Variants in VAMP5 observed in about 807,000 individuals in gnomAD.
VAMP5 encodes the protein vesicle-associated membrane protein 5.
A neutral mutation model predicts 8.1 loss-of-function variants in VAMP5; 10 were observed. That is an observed-to-expected ratio of 1.23 (90% confidence interval 0.76 to 2.09). The LOEUF is 2.09. Among genes scored for constraint, VAMP5 ranks in the 30% most tolerant of loss-of-function variants. The pLI is 0.00. For missense variants in VAMP5, 135 were observed against 152.5 expected, an observed-to-expected ratio of 0.89 and a Z score of 0.60; for synonymous variants, 62 against 60.6, an observed-to-expected ratio of 1.02 and a Z score of -0.11.
chr2:85,589,347 G>A (rs914249707), intron 1 of VAMP5, among the ~76,000 whole-genome samples: 2 of 152,138 alleles, frequency 1.3e-5, no homozygotes, highest in African/African-American at 4.8e-5. Flanking sequence ...CCCGAGACTT[G>A]AGTCTAAGGC....
rs528814089 is a variant in VAMP5 at position 85,586,729 on chromosome 2, T to C, written c.3+2236T>C. On this transcript the variant is annotated intron_variant, in intron 1 of 2. Transcript: ENST00000306384. ...TGTGCCCATTGGATGGTGGCTGTTA[T>C]TCTTGCTCAAGATGTAAAACCTCAA... Among the ~76,000 whole-genome samples, 6 of 152,104 alleles carry C rather than the reference T, an allele frequency of 3.9e-5. No homozygotes were observed. In the South Asian group the frequency reaches 1.2e-3, roughly 32 times the overall value.
Position 85,593,276 on chromosome 2 carries a change from A to C in VAMP5, c.*119A>C. On this transcript the variant is annotated 3_prime_UTR_variant, in exon 3 of 3. Transcript: ENST00000306384. ...GTGAGTGCCAAAGGGCAGCCCCAACATGTGCACCCCTGCATTTCCTGTCAT... is the reference window on the plus strand; with the variant it reads ...GTGAGTGCCAAAGGGCAGCCCCAACCTGTGCACCCCTGCATTTCCTGTCAT... 1 of 1,054,376 alleles carries C rather than the reference A, an allele frequency of 9.5e-7. No individual in the cohort carries two copies. The highest frequency in any genetic ancestry group is 2.0e-5 in the Admixed American group (1 of 49,490). The allele number at this position is 1,054,376 out of a possible 1,614,324, so 65.3% of individuals were successfully genotyped here. A position where few individuals can be genotyped will look rare whatever the true frequency, so the allele number is the denominator to read the frequency against.
At chr2:85,586,258 C>T (rs987813041) in intron 1 of VAMP5, among the ~76,000 whole-genome samples, 1 of 152,210 alleles carries the variant, frequency 6.6e-6, no homozygotes, top group Non-Finnish European at 1.5e-5. Flanking sequence ...GGTGATTTAA[C>T]ACCTCTGAGC....
intron 1 of VAMP5, among the ~76,000 whole-genome samples, chr2:85,587,261 A>T (rs1298286030): frequency 4.8e-5 from 7 of 145,510 alleles, no homozygotes; most frequent in African/African-American, 7.5e-5. Flanking sequence ...GTATTACACA[A>T]TTTTTTTTTT....
At chr2:85,587,581 T>TAAA (rs577522694) in intron 1 of VAMP5, among the ~76,000 whole-genome samples, 9 of 137,904 alleles carry the variant, frequency 6.5e-5, no homozygotes, top group African/African-American at 2.1e-4. Flanking sequence ...ATCTGACTGC[T>TAAA]AAAAAAAAAA....
At position 85,591,731 on chromosome 2, in the gene VAMP5, AT is replaced by A. The variant is rs762463997; in HGVS notation, c.11del (p.Ile4LysfsTer13). On this transcript the variant is annotated frameshift_variant, in exon 2 of 3. Coordinates refer to ENST00000306384, the MANE Select transcript of VAMP5 (RefSeq NM_006634.3). LOFTEE classifies it high-confidence loss of function. ...CCTCGGGCTTGGTGTCCAGGCAGGA[AT>A]AGAGTTGGAGCGGTGCCAGCAGCAG... The part of the protein sequence containing the change: MAG[I>X]ELERCQQQAN... 38 of 1,613,958 alleles carry A rather than the reference AT, an allele frequency of 2.4e-5. No homozygotes were observed. The highest frequency in any genetic ancestry group is 3.1e-5 in the Non-Finnish European group (36 of 1,179,982).
Position 85,584,482 on chromosome 2 carries a change from G to C in VAMP5, c.-9G>C. 8.0e-7 allele frequency: 1 copy of C among 1,243,198 alleles called. No homozygotes were observed. The highest frequency in any genetic ancestry group is 1.0e-6 in the Non-Finnish European group (1 of 994,922). 77.0% of individuals were successfully genotyped at this position (1,243,198 alleles called of 1,614,324 possible). A position where few individuals can be genotyped will look rare whatever the true frequency, so the allele number is the denominator to read the frequency against. On this transcript the variant is annotated 5_prime_UTR_variant, in exon 1 of 3. Transcript: ENST00000306384. ...GCCGGGAGCGGGCGAGGCGGCGGCG[G>C]CAGCAGCGATGGTGAGGGCCCAGGC...
chr2:85,587,451 A>G (rs1293863275), intron 1 of VAMP5, among the ~76,000 whole-genome samples: 1 of 151,664 alleles, frequency 6.6e-6, no homozygotes, highest in Non-Finnish European at 1.5e-5. Flanking sequence ...ACAGGGCTTC[A>G]CCATATTGGC....
intron 1 of VAMP5, among the ~76,000 whole-genome samples, chr2:85,585,806 T>G (rs1056829053): frequency 6.6e-6 from 1 of 152,176 alleles, no homozygotes; most frequent in Non-Finnish European, 1.5e-5. Context: ...TCTTGCCCCT[T>G]TAGCGCTTTC....
rs764637543 is a variant in VAMP5 at position 85,593,004 on chromosome 2, C to T, written c.198C>T (p.Asn66=). ...QNLAQKKCWE[N]IRYRICVGLV... is the part of the protein sequence containing the mutation. Reference sequence around the variant, plus strand: ...TGGCCCAGAAGAAGTGCTGGGAGAACATCCGTTACCGGATCTGCGTGGGGC... The same window carrying T: ...TGGCCCAGAAGAAGTGCTGGGAGAATATCCGTTACCGGATCTGCGTGGGGC... The change falls in exon 3 of 3, where the codon AAC becomes AAT. Residue 66 remains asparagine (N), a synonymous_variant. Coordinates refer to ENST00000306384, the MANE Select transcript of VAMP5 (RefSeq NM_006634.3). 44 of 1,614,038 alleles carry T rather than the reference C, an allele frequency of 2.7e-5. No homozygotes were observed. In the Admixed American group the frequency reaches 3.3e-4, roughly 12 times the overall value.
rs984230740 is a variant in VAMP5, at chr2:85,593,399, T to A, written c.*242T>A. On this transcript the variant is annotated 3_prime_UTR_variant, in exon 3 of 3. Coordinates refer to ENST00000306384, the MANE Select transcript of VAMP5 (RefSeq NM_006634.3). ...AAACTGCTGTTTGATTAAAAGCTGG[T>A]ATCTGTGTGTGAAGGTCCCCAGGTT... The A allele has an allele frequency of 7.2e-6, 4 of 554,330 alleles. No homozygotes were observed. Among genetic ancestry groups the A allele is most frequent in the Non-Finnish European group, 1.3e-5 (4 of 307,960 alleles). The allele number at this position is 554,330 out of a possible 1,614,324, so 34.3% of individuals were successfully genotyped here. A position where few individuals can be genotyped will look rare whatever the true frequency, so the allele number is the denominator to read the frequency against.
intron 1 of VAMP5, among the ~76,000 whole-genome samples, chr2:85,588,708 G>A (rs1428920563): frequency 1.3e-5 from 2 of 152,144 alleles, no homozygotes; most frequent in African/African-American, 4.8e-5. Flanking sequence ...AGTTTTATCA[G>A]TCGCTTGGAG....
intron 2 of VAMP5, among the ~76,000 whole-genome samples, chr2:85,592,554 A>G (rs573955141): frequency 1.4e-4 from 21 of 151,962 alleles, no homozygotes; most frequent in Admixed American, 1.3e-3. Flanking sequence ...TGTAATCCCA[A>G]CACTTTGGGA....
chr2:85,591,673 T>C, intron 1 of VAMP5, 52 bp from the exon 2 acceptor site: 2 of 1,611,916 alleles, frequency 1.2e-6, no homozygotes, highest in Non-Finnish European at 1.7e-6. Flanking sequence ...CAGGGGCAGA[T>C]GAGGGCCAGG....
intron 1 of VAMP5, among the ~76,000 whole-genome samples, chr2:85,589,019 T>C (rs1672502962): frequency 6.6e-6 from 1 of 152,192 alleles, no homozygotes; most frequent in South Asian, 2.1e-4. Flanking sequence ...GCATGATGGC[T>C]CATGCCTATA....
At chr2:85,584,648 C>T (rs1319349327) in intron 1 of VAMP5, among the ~76,000 whole-genome samples, 155 bp downstream of exon 1, 1 of 152,208 alleles carries the variant, frequency 6.6e-6, no homozygotes, top group East Asian at 1.9e-4. Flanking sequence ...CAGGACGGGG[C>T]GGACCCTCCA....
intron 1 of VAMP5, among the ~76,000 whole-genome samples, chr2:85,584,856 G>C (rs1672442709): frequency 1.3e-5 from 2 of 152,240 alleles, no homozygotes; most frequent in South Asian, 2.1e-4. Flanking sequence ...CCTTTTCCGC[G>C]TCTGTGAAGT....
At chr2:85,591,973 C>CCTCA in intron 2 of VAMP5, 111 bp downstream of exon 2, 1 of 1,506,658 alleles carries the variant, frequency 6.6e-7, no homozygotes, top group Non-Finnish European at 9.0e-7. Flanking sequence ...TCTTGAGGGC[C>CCTCA]AGTGTGGGGC....
At chr2:85,586,884 G>A (rs1184112621) in intron 1 of VAMP5, among the ~76,000 whole-genome samples, 1 of 152,032 alleles carries the variant, frequency 6.6e-6, no homozygotes, top group Non-Finnish European at 1.5e-5. Context: ...GACCACCCTG[G>A]CTAACACGGT....
Sources: allele counts gnomAD v4.1 joint callset (sites outside exome capture counted in the v4.1 genomes callset), GRCh38; gene constraint gnomAD v4.1.1; transcripts MANE v1.5; gene names NCBI Gene and HGNC (gene_info 2026-07-23, HGNC 2026-07-21).